KCNH7: variants seen among roughly 807,000 people sequenced by gnomAD.
KCNH7 encodes voltage-gated inwardly rectifying potassium channel KCNH7.
In KCNH7, 49 loss-of-function variants were observed where a neutral mutation model predicts 120.8. The observed-to-expected ratio is 0.41, with a 90% CI of 0.32 to 0.51. The LOEUF is 0.51. Among genes scored for constraint, KCNH7 ranks in the 20% least tolerant of loss-of-function variants. KCNH7 has a pLI of 0.38. For synonymous variants in KCNH7, 547 were observed against 516.1 expected (o/e 1.06, Z -0.81); for missense variants, 1,097 against 1,446.6 (o/e 0.76, Z 3.92).
chr2:162,414,298 A>C (rs1456642476), intron 9 of KCNH7, among the ~76,000 whole-genome samples: 2 of 152,020 alleles, frequency 1.3e-5, no homozygotes, highest in Non-Finnish European at 2.9e-5. Context: ...TAAGTAAGGG[A>C]AAATATGTAA....
chr2:162,386,589 C>T (rs557654770), intron 12 of KCNH7, among the ~76,000 whole-genome samples: 9 of 151,876 alleles, frequency 5.9e-5, no homozygotes, highest in African/African-American at 2.2e-4. Flanking sequence ...CTCAGGCCTC[C>T]TATTTTCTCG....
At chr2:162,462,520 C>T (rs570511253) in intron 6 of KCNH7, among the ~76,000 whole-genome samples, 22 of 137,924 alleles carry the variant, frequency 1.6e-4, no homozygotes, top group African/African-American at 5.9e-4. Context: ...AGAGTGAGAG[C>T]AAGAGAGAGA....
At chr2:162,415,558 G>T (rs994898414) in intron 9 of KCNH7, among the ~76,000 whole-genome samples, 1 of 151,934 alleles carries the variant, frequency 6.6e-6, no homozygotes, top group African/African-American at 2.4e-5. Context: ...ACTTTAATTT[G>T]AAAAAAGTTA....
chr2:162,781,430 T>G (rs924748475), intron 2 of KCNH7, among the ~76,000 whole-genome samples: 1 of 152,164 alleles, frequency 6.6e-6, no homozygotes, highest in Non-Finnish European at 1.5e-5. Context: ...CCTATGTTTA[T>G]TAACCAAATC....
At position 162,768,239 on chromosome 2, in the gene KCNH7, T is replaced by TA. The variant is rs1237060170; in HGVS notation, c.307+68297dup. Among the ~76,000 whole-genome samples the TA allele has an allele frequency of 4.6e-5, 7 of 152,240 alleles. No individual in the cohort carries two copies. In the East Asian group the frequency reaches 1.3e-3, roughly 29 times the overall value. ...ATTGAAGGCTGACTATCAAAGGACATAAAAAAGTAAGTGAAAGATGTTATT... is the reference window on the plus strand; with the variant it reads ...ATTGAAGGCTGACTATCAAAGGACATAAAAAAAGTAAGTGAAAGATGTTATT... On this transcript the variant is annotated intron_variant, in intron 2 of 15. Transcript: ENST00000332142.
At chr2:162,518,572 G>T (rs544622494) in intron 3 of KCNH7, among the ~76,000 whole-genome samples, 91 of 151,918 alleles carry the variant, frequency 6.0e-4, no homozygotes, top group Non-Finnish European at 1.1e-3. Context: ...CTACATACAT[G>T]TATGGGTGAT....
rs1054733124 is a variant in KCNH7 at position 162,560,120 on chromosome 2, C to T, written c.308-23040G>A. Among the ~76,000 whole-genome samples the T allele has an allele frequency of 3.9e-5, 6 of 152,170 alleles. 1 individual carries two copies. The highest frequency in any genetic ancestry group is 3.3e-4 in the Admixed American group (5 of 15,282). On this transcript the variant is annotated intron_variant, in intron 2 of 15. Coordinates refer to ENST00000332142, the MANE Select transcript of KCNH7 (RefSeq NM_033272.4). ...ATGCCAACTGCAAGAATAATTCTTG[C>T]GTGGCAACTAGCCAGAACATCATGT...
At chr2:162,503,737 A>G (rs955465936) in intron 6 of KCNH7, among the ~76,000 whole-genome samples, 11 of 152,080 alleles carry the variant, frequency 7.2e-5, no homozygotes, top group African/African-American at 2.7e-4. Flanking sequence ...AATTGTTTGT[A>G]AAAGAACCGC....
At chr2:162,412,714 T>C (rs1328683220) in intron 9 of KCNH7, among the ~76,000 whole-genome samples, 1 of 152,170 alleles carries the variant, frequency 6.6e-6, no homozygotes, top group Admixed American at 6.6e-5. Flanking sequence ...GAAAATGTCA[T>C]ATAAGCTGTG....
intron 13 of KCNH7, among the ~76,000 whole-genome samples, chr2:162,384,050 T>C (rs1686503514): frequency 6.6e-6 from 1 of 151,904 alleles, no homozygotes; most frequent in Admixed American, 6.6e-5. Context: ...GTAATAGTTC[T>C]TTAAATTTTC....
chr2:162,776,109 T>C (rs897354002), intron 2 of KCNH7, among the ~76,000 whole-genome samples: 1 of 152,194 alleles, frequency 6.6e-6, no homozygotes, highest in Non-Finnish European at 1.5e-5. Flanking sequence ...AAAAATAAGC[T>C]ACGAATATAC....
chr2:162,609,095 G>T (rs1237125913), intron 2 of KCNH7, among the ~76,000 whole-genome samples: 10 of 152,118 alleles, frequency 6.6e-5, no homozygotes, highest in African/African-American at 2.4e-4. Flanking sequence ...TCAAGGTTTT[G>T]CTGAGACATC....
chr2:162,747,349 T>C (rs1688351146), intron 2 of KCNH7, among the ~76,000 whole-genome samples: 1 of 152,162 alleles, frequency 6.6e-6, no homozygotes, highest in African/African-American at 2.4e-5. Flanking sequence ...TCAAGAACTT[T>C]GATCTGTTAG....
At chr2:162,719,536 A>G (rs1308737062) in intron 2 of KCNH7, among the ~76,000 whole-genome samples, 2 of 152,050 alleles carry the variant, frequency 1.3e-5, no homozygotes. Flanking sequence ...TTTCTTAGTA[A>G]TAAAGTTTTT....
At chr2:162,806,099 GGA>G (rs1684531841) in intron 2 of KCNH7, among the ~76,000 whole-genome samples, 1 of 151,928 alleles carries the variant, frequency 6.6e-6, no homozygotes, top group Admixed American at 6.6e-5. Context: ...ACGGTGGGAG[GGA>G]GATGTGGGGT....
chr2:162,591,364 TA>T (rs1365862906), intron 2 of KCNH7, among the ~76,000 whole-genome samples: 1 of 152,018 alleles, frequency 6.6e-6, no homozygotes, highest in Non-Finnish European at 1.5e-5. Context: ...TACAAGCATA[TA>T]AAAGAGCTCA....
At chr2:162,636,491 A>AT (rs1416537690) in intron 2 of KCNH7, among the ~76,000 whole-genome samples, 3 of 151,926 alleles carry the variant, frequency 2.0e-5, no homozygotes, top group Non-Finnish European at 4.4e-5. Flanking sequence ...TTATGCTCTT[A>AT]TTTTTTCACT....
chr2:162,639,310 A>G (rs1360809711), intron 2 of KCNH7, among the ~76,000 whole-genome samples: 2 of 152,184 alleles, frequency 1.3e-5, no homozygotes, highest in Non-Finnish European at 2.9e-5. Context: ...TGAGATAGGT[A>G]GGCACTTTTA....
intron 2 of KCNH7, among the ~76,000 whole-genome samples, chr2:162,757,572 AACGTTTG>A (rs1433149091): frequency 2.6e-5 from 4 of 152,288 alleles, no homozygotes; most frequent in Non-Finnish European, 5.9e-5. Flanking sequence ...TATCTTTAGA[AACGTTTG>A]ACCACAAAGA....
Sources: allele counts gnomAD v4.1 joint callset (sites outside exome capture counted in the v4.1 genomes callset), GRCh38; gene constraint gnomAD v4.1.1; transcripts MANE v1.5; gene names NCBI Gene and HGNC (gene_info 2026-07-23, HGNC 2026-07-21).